Variants in SSH2 observed in about 807,000 individuals in gnomAD.
The protein encoded by SSH2 is slingshot protein phosphatase 2.
In SSH2, 37 loss-of-function variants were observed where a neutral mutation model predicts 135.2. The observed-to-expected ratio is 0.27, with a 90% CI of 0.21 to 0.36. The LOEUF (loss-of-function observed/expected upper bound fraction) is 0.36, where lower values mean the gene tolerates loss of function less well. Among genes scored for constraint, SSH2 ranks in the 10% least tolerant of loss-of-function variants. SSH2 has a pLI of 1.00. For missense variants in SSH2, 1,408 were observed against 1,765.3 expected (o/e 0.80, Z 3.63); for synonymous variants, 628 against 646.2 (o/e 0.97, Z 0.43).
chr17:29,920,603 C>G (rs1224216361), intron 1 of SSH2, among the ~76,000 whole-genome samples: 1 of 152,042 alleles, frequency 6.6e-6, no homozygotes, highest in Non-Finnish European at 1.5e-5. Context: ...ATATAATGAA[C>G]TAAGAAAAGC....
chr17:29,900,162 C>T (rs991894065), intron 1 of SSH2, among the ~76,000 whole-genome samples: 1 of 152,110 alleles, frequency 6.6e-6, no homozygotes, highest in African/African-American at 2.4e-5. Flanking sequence ...TATGTTAGAC[C>T]TAAAACCATA....
chr17:29,885,475 T>C (rs2066220356), intron 1 of SSH2, among the ~76,000 whole-genome samples: 1 of 152,068 alleles, frequency 6.6e-6, no homozygotes. Flanking sequence ...GAAGTGTCTC[T>C]TGGCTGGCCC....
chr17:29,928,299 T>A, intron 1 of SSH2: 1 of 373,306 alleles, frequency 2.7e-6, no homozygotes, highest in Non-Finnish European at 4.7e-6. Flanking sequence ...TATTAAAGAT[T>A]TATTCCTATG....
At chr17:29,637,548 G>A (rs976305872) in intron 14 of SSH2, among the ~76,000 whole-genome samples, 3 of 152,130 alleles carry the variant, frequency 2.0e-5, no homozygotes, top group Admixed American at 6.5e-5. Flanking sequence ...ATGGGAGGCC[G>A]AGGCGGGCAG....
chr17:29,767,669 C>T (rs1319733687), intron 3 of SSH2, among the ~76,000 whole-genome samples: 1 of 151,602 alleles, frequency 6.6e-6, no homozygotes, highest in Non-Finnish European at 1.5e-5. Context: ...ACATATTATT[C>T]TACTTGCATT....
chr17:29,668,665 A>T (rs2037370013), intron 9 of SSH2, among the ~76,000 whole-genome samples: 1 of 152,144 alleles, frequency 6.6e-6, no homozygotes, highest in Admixed American at 6.6e-5. Context: ...TGAGCCCCAG[A>T]GGTGGAGGCT....
chr17:29,908,969 T>C (rs62070266), intron 1 of SSH2, among the ~76,000 whole-genome samples: 63,029 of 150,966 alleles, frequency 0.42, 15,087 homozygotes, highest in East Asian at 0.69. Context: ...CCCAGCTACT[T>C]GGGAGGCTGA....
At chr17:29,869,757 G>A (rs946815677) in intron 1 of SSH2, among the ~76,000 whole-genome samples, 1 of 152,180 alleles carries the variant, frequency 6.6e-6, no homozygotes, top group Admixed American at 6.5e-5. Flanking sequence ...TTTTGACAAC[G>A]GCTTTTTCTC....
intron 2 of SSH2, among the ~76,000 whole-genome samples, chr17:29,805,582 G>A (rs1484940077): frequency 6.6e-6 from 1 of 152,084 alleles, no homozygotes; most frequent in Non-Finnish European, 1.5e-5. Context: ...TAGCCAAGGC[G>A]GATGTGTTTA....
At chr17:29,676,710 C>G (rs750828505) in intron 8 of SSH2, 110 bp downstream of exon 8, 2 of 892,706 alleles carry the variant, frequency 2.2e-6, no homozygotes, top group Admixed American at 2.1e-5. Flanking sequence ...GTTATACAAA[C>G]AGATCATTTA....
intron 4 of SSH2, 33 bp downstream of exon 4, chr17:29,702,926 C>G (rs770974425): frequency 6.8e-7 from 1 of 1,469,626 alleles, no homozygotes; most frequent in East Asian, 2.3e-5. Context: ...GATATAGTTA[C>G]CAAGAAAGAA....
intron 2 of SSH2, among the ~76,000 whole-genome samples, chr17:29,822,357 G>A (rs1373454861): frequency 6.6e-6 from 1 of 152,064 alleles, no homozygotes; most frequent in Non-Finnish European, 1.5e-5. Flanking sequence ...GTATGAGCCA[G>A]GGACCCTTTT....
At position 29,716,397 on chromosome 17, in the gene SSH2, G is replaced by T. The variant is rs931411061; in HGVS notation, c.189-13335C>A. 109 of 557,654 alleles carry T rather than the reference G, an allele frequency of 2.0e-4. 2 individuals are homozygous for T. Among genetic ancestry groups the T allele is most frequent in the South Asian group, 9.4e-4 (55 of 58,434 alleles). The allele number at this position is 557,654 out of a possible 1,614,324, so 34.5% of individuals were successfully genotyped here. A position where few individuals can be genotyped will look rare whatever the true frequency, so the allele number is the denominator to read the frequency against. ...ATGTGCTCAATACACACATTAATTA[G>T]AGTGCTTAATGTGCTCAATACACAC... On this transcript the variant is annotated intron_variant, in intron 3 of 15. Transcript: ENST00000540801.
At chr17:29,665,072 A>G (rs1189812488) in intron 11 of SSH2, among the ~76,000 whole-genome samples, 1 of 152,200 alleles carries the variant, frequency 6.6e-6, no homozygotes, top group African/African-American at 2.4e-5. Context: ...GTCCTTCATA[A>G]AAATTAGTCT....
In SSH2 at chr17:29,632,102, G is replaced by A. The variant is rs747986984; in HGVS notation, c.3092C>T (p.Pro1031Leu). Residue 1031 changes from proline (P) to leucine (L), a missense_variant, in exon 16 of 16, where the codon CCC (proline) becomes CTC (leucine). Pro to Leu is a moderately conservative substitution (Grantham distance 98). This residue lies in a region of SSH2 where 1,080 missense variants were observed against 1,144.5 expected (regional missense o/e 0.94). Transcript: ENST00000540801. ...QESETQAVPL[P>L]LPKRVEIIEY... ...AATGATTTCTACCCTCTTGGGAAGG[G>A]GAAGAGGGACTGCTTGTGTTTCAGA... 6.2e-7 allele frequency: 1 copy of A among 1,614,052 alleles called. No individual in the cohort carries two copies. The highest frequency in any genetic ancestry group is 8.5e-7 in the Non-Finnish European group (1 of 1,180,030).
intron 1 of SSH2, among the ~76,000 whole-genome samples, chr17:29,886,036 G>A (rs1485558533): frequency 6.6e-6 from 1 of 152,130 alleles, no homozygotes; most frequent in South Asian, 2.1e-4. Flanking sequence ...AAAGATACCC[G>A]AAAATGTGGA....
chr17:29,731,039 C>T (rs554787482), intron 3 of SSH2, among the ~76,000 whole-genome samples: 2 of 152,266 alleles, frequency 1.3e-5, no homozygotes, highest in South Asian at 4.1e-4. Flanking sequence ...ACACATTTGG[C>T]TAAGACTCAA....
rs748367220 is a variant in SSH2 at position 29,785,805 on chromosome 17, C to CTT, written c.188+8087_188+8088dup. 2.0e-3 allele frequency among the ~76,000 whole-genome samples: 244 copies of CTT among 125,112 alleles called. 6 individuals are homozygous for CTT. The highest frequency in any genetic ancestry group is 4.8e-3 in the African/African-American group (159 of 33,048). The allele number at this position is 125,112 out of a possible 152,430, so 82.1% of individuals were successfully genotyped here. On this transcript the variant is annotated intron_variant, in intron 3 of 15. Coordinates refer to ENST00000540801, the MANE Select transcript of SSH2 (RefSeq NM_001282129.2). ...CGAGTCACCGCGCCCAGTCCGTTTA[C>CTT]TTTTTTTTTTTTTTTTTTAGACGGA...
intron 14 of SSH2, among the ~76,000 whole-genome samples, chr17:29,643,639 G>A (rs768902405): frequency 2.0e-5 from 3 of 152,024 alleles, no homozygotes; most frequent in Admixed American, 6.6e-5. Flanking sequence ...ATTTGTAGGC[G>A]CCTACCACCA....
Sources: gnomAD v4.1 joint callset for allele counts (sites outside exome capture counted in the v4.1 genomes callset) on GRCh38, gnomAD v4.1.1 for gene constraint, gnomAD v4.1.1 regional missense constraint, MANE v1.5 for transcripts, NCBI Gene and HGNC (gene_info 2026-07-23, HGNC 2026-07-21) for gene names.